Variants in IL4I1 observed in about 807,000 individuals in gnomAD.
IL4I1 encodes the protein interleukin 4 induced 1.
Under a neutral mutation model 29.7 loss-of-function variants are expected in IL4I1, and 24 were observed. The observed-to-expected ratio is 0.81, with a 90% CI of 0.59 to 1.14. IL4I1 has a LOEUF of 1.14. IL4I1 is among the 50% of genes most tolerant of loss of function. The probability of loss-of-function intolerance (pLI) is 0.00; values close to 1 mark genes in which losing one functional copy is unlikely to be tolerated. For missense variants in IL4I1, 686 were observed against 785.6 expected, an observed-to-expected ratio of 0.87 and a Z score of 1.52; for synonymous variants, 371 against 352.5, an observed-to-expected ratio of 1.05 and a Z score of -0.59.
At position 49,891,973 on chromosome 19, in the gene IL4I1, G is replaced by A. The variant is rs187611439; in HGVS notation, c.568-500C>T. Among the ~76,000 whole-genome samples the A allele has an allele frequency of 6.6e-5, 10 of 151,966 alleles. No homozygotes were observed. In the East Asian group the frequency reaches 1.2e-3, roughly 18 times the overall value. On this transcript the variant is annotated intron_variant, in intron 5 of 7. Coordinates refer to ENST00000391826, the MANE Select transcript of IL4I1 (RefSeq NM_152899.2). ...ATGATGGCTGAGAAGTTTATCTACC[G>A]TCCGTCCCCTGCCCACAGCCCTCCT...
chr19:49,895,233 C>T (rs1261226476), intron 3 of IL4I1, 53 bp from the exon 4 acceptor site: 1 of 1,447,436 alleles, frequency 6.9e-7, no homozygotes, highest in Non-Finnish European at 9.7e-7. Flanking sequence ...CACTGACCAT[C>T]CCCTGCCCTC....
intron 2 of IL4I1, among the ~76,000 whole-genome samples, chr19:49,919,090 T>C (rs569580445): frequency 4.6e-5 from 7 of 150,982 alleles, no homozygotes; most frequent in African/African-American, 1.5e-4. Context: ...GAGGCGGAGG[T>C]TGCAGTGAGC....
intron 3 of IL4I1, among the ~76,000 whole-genome samples, chr19:49,903,646 T>C (rs111893418): frequency 1.3e-5 from 2 of 152,088 alleles, no homozygotes; most frequent in Non-Finnish European, 2.9e-5. Context: ...TTGGGAGCAG[T>C]GGTGTGCTGA....
At chr19:49,906,181 G>A (rs573443825) in intron 2 of IL4I1, among the ~76,000 whole-genome samples, 5 of 152,124 alleles carry the variant, frequency 3.3e-5, no homozygotes, top group East Asian at 3.9e-4. Context: ...CTGGAATAGC[G>A]CCTTAGGGAT....
chr19:49,919,085 G>A (rs192459156), intron 2 of IL4I1, among the ~76,000 whole-genome samples: 208 of 151,690 alleles, frequency 1.4e-3, no homozygotes, highest in African/African-American at 4.2e-3. Context: ...CCTGGGAGGC[G>A]GAGGTTGCAG....
In IL4I1 at chr19:49,923,944, C is replaced by T. The variant is rs182896610; in HGVS notation, c.-228+3750G>A. ...AGTGCTGGGCTCAGGACCAGAACCC[C>T]GGTCTGTCTGATGCAAAACTCGGAG... On this transcript the variant is annotated intron_variant, in intron 2 of 9. Transcript: ENST00000341114. Among the ~76,000 whole-genome samples, 5 of 152,376 alleles carry T rather than the reference C, an allele frequency of 3.3e-5. No individual in the cohort carries two copies. In the East Asian group the frequency reaches 7.7e-4, roughly 24 times the overall value.
At chr19:49,909,214 G>C in intron 2 of IL4I1, 1 of 1,614,152 alleles carries the variant, frequency 6.2e-7, no homozygotes, top group Non-Finnish European at 8.5e-7. Context: ...CACCTGCTGT[G>C]GTGGCTGCTG....
intron 2 of IL4I1, chr19:49,909,840 G>A (rs781674717): frequency 1.2e-6 from 2 of 1,608,292 alleles, no homozygotes; most frequent in East Asian, 2.2e-5. Context: ...AGCTACTCTG[G>A]CTCCCAAAGC....
At chr19:49,897,401 C>T (rs1412947278), upstream of IL4I1, among the ~76,000 whole-genome samples, 1 of 152,138 alleles carries the variant, frequency 6.6e-6, no homozygotes, top group Non-Finnish European at 1.5e-5. Context: ...GGGCTGGCAG[C>T]CGTGGTCCCG....
rs974632280 is a variant in IL4I1, at chr19:49,909,165, T to G, written c.-227-4844A>C. On this transcript the variant is annotated intron_variant, in intron 2 of 9. Coordinates refer to the IL4I1 transcript ENST00000341114. ...GCAAAGAGGCTGGGCCCAGTGCTGG[T>G]GATGGTGGCTGTGGGTGTGGGAGCA... is the stretch of plus-strand genomic sequence containing the variant. 48 of 1,613,214 alleles carry G rather than the reference T, an allele frequency of 3.0e-5. No homozygotes were observed. Among genetic ancestry groups the G allele is most frequent in the Non-Finnish European group, 4.1e-5 (48 of 1,179,798 alleles).
Position 49,890,289 on chromosome 19 carries a change from G to A in IL4I1, c.1085C>T (p.Pro362Leu), listed in dbSNP as rs764251984. ...TTCAATGTGCTCCTCGCGCCAGAAG[G>A]GCCTGCGGAAGCTTAGGAACACCTT... ...ATKVFLSFRR[P>L]FWREEHIEGG... is the part of the protein sequence containing the mutation. The change falls in exon 8 of 8, where the codon CCC becomes CTC. Residue 362 changes from proline to leucine, a missense_variant. By Grantham distance (98) the Pro-to-Leu change is moderately conservative. Coordinates refer to ENST00000391826, the MANE Select transcript of IL4I1 (RefSeq NM_152899.2). 8.1e-6 allele frequency: 13 copies of A among 1,600,636 alleles called. No homozygotes were observed. Among genetic ancestry groups the A allele is most frequent in the East Asian group, 6.8e-5 (3 of 44,030 alleles).
chr19:49,908,458 A>G (rs2075372652), intron 2 of IL4I1: 1 of 1,613,948 alleles, frequency 6.2e-7, no homozygotes, highest in Admixed American at 1.7e-5. Context: ...TGTCCTTGAG[A>G]TCCTGGGCCA....
upstream of IL4I1, among the ~76,000 whole-genome samples, chr19:49,900,433 G>A (rs186296193): frequency 5.3e-5 from 8 of 152,124 alleles, no homozygotes; most frequent in Admixed American, 2.0e-4. Flanking sequence ...TTACAGGTGC[G>A]CGCACCACCA....
intron 2 of IL4I1, chr19:49,927,607 G>A (rs1410891041): frequency 6.6e-6 from 1 of 152,230 alleles, no homozygotes; most frequent in Non-Finnish European, 1.5e-5. Context: ...AGAGTGGACA[G>A]TAAGTGCTCT....
chr19:49,918,079 T>C (rs1000808252), intron 2 of IL4I1, among the ~76,000 whole-genome samples: 1 of 123,424 alleles, frequency 8.1e-6, no homozygotes, highest in Admixed American at 8.0e-5. Flanking sequence ...TTCCTTTTTC[T>C]TTTTTTTTTT....
rs112713398 is a variant in IL4I1 at position 49,924,685 on chromosome 19, G to A, written c.-228+3009C>T. ...GTGCACACGAGGGGACTCAGGGTTCGAAGATCTGGGGAGAAGGGTCGCAGG... is the reference window on the plus strand; with the variant it reads ...GTGCACACGAGGGGACTCAGGGTTCAAAGATCTGGGGAGAAGGGTCGCAGG... On this transcript the variant is annotated intron_variant, in intron 2 of 9. Transcript: ENST00000341114. 5.8e-3 allele frequency among the ~76,000 whole-genome samples: 883 copies of A among 152,306 alleles called. 6 individuals carry two copies. Among genetic ancestry groups the A allele is most frequent in the African/African-American group, 0.02 (847 of 41,560 alleles).
intron 2 of IL4I1, chr19:49,908,347 C>G: frequency 6.2e-7 from 1 of 1,614,190 alleles, no homozygotes; most frequent in Non-Finnish European, 8.5e-7. Flanking sequence ...TCTGGTCGAT[C>G]CACTGCAGTG....
At chr19:49,899,987 A>AC (rs1201058944), upstream of IL4I1, among the ~76,000 whole-genome samples, 1 of 152,084 alleles carries the variant, frequency 6.6e-6, no homozygotes, top group Non-Finnish European at 1.5e-5. Context: ...GGTGCACACC[A>AC]CCATGCACAG....
chr19:49,896,988 C>T (rs1377719186), upstream of IL4I1: 2 of 594,744 alleles, frequency 3.4e-6, no homozygotes, highest in Non-Finnish European at 4.2e-6. Context: ...TTTCCTGGAG[C>T]TGCTCTGGTC....
Sources: gnomAD v4.1 joint callset for allele counts (sites outside exome capture counted in the v4.1 genomes callset) on GRCh38, gnomAD v4.1.1 for gene constraint, MANE v1.5 for transcripts, NCBI Gene and HGNC (gene_info 2026-07-23, HGNC 2026-07-21) for gene names.